The following CGNL1 variants were observed in gnomAD, a reference collection of about 807,000 sequenced individuals.
The protein encoded by CGNL1 is cingulin like 1, also known as cingulin-like protein 1.
In CGNL1, 132 loss-of-function variants were observed where a neutral mutation model predicts 141.2. That is an observed-to-expected ratio of 0.93 (90% confidence interval 0.81 to 1.08). The LOEUF (loss-of-function observed/expected upper bound fraction) is 1.08, where lower values mean the gene tolerates loss of function less well. Among genes scored for constraint, CGNL1 ranks in the 50% least tolerant of loss-of-function variants. The pLI, the probability that CGNL1 is intolerant of heterozygous loss-of-function variation, is 0.00. For missense variants in CGNL1, 1,870 were observed against 1,588.6 expected (o/e 1.18, Z -3.01); for synonymous variants, 690 against 622.1 (o/e 1.11, Z -1.63).
At chr15:57,389,080 C>T (rs2062515115) in intron 1 of CGNL1, among the ~76,000 whole-genome samples, 1 of 151,910 alleles carries the variant, frequency 6.6e-6, no homozygotes, top group Non-Finnish European at 1.5e-5. Context: ...GTCAACTACC[C>T]TTTAAAATAA....
intron 8 of CGNL1, among the ~76,000 whole-genome samples, chr15:57,504,354 T>G (rs1406895786): frequency 3.9e-5 from 6 of 152,190 alleles, no homozygotes; most frequent in Non-Finnish European, 7.4e-5. Context: ...GGATTTAAAC[T>G]CAAGTCTATC....
chr15:57,479,567 G>A (rs574325594), intron 8 of CGNL1, among the ~76,000 whole-genome samples: 49 of 152,340 alleles, frequency 3.2e-4, no homozygotes, highest in African/African-American at 1.2e-3. Context: ...GGGAGGCTGA[G>A]GCAGGAGAAT....
At chr15:57,516,131 C>T (rs1174325256) in intron 8 of CGNL1, among the ~76,000 whole-genome samples, 5 of 140,632 alleles carry the variant, frequency 3.6e-5, no homozygotes, top group African/African-American at 1.3e-4. Context: ...TGCACTCCAG[C>T]CTGGGGGACA....
intron 1 of CGNL1, among the ~76,000 whole-genome samples, chr15:57,411,548 A>G (rs1270820763): frequency 6.6e-6 from 1 of 151,634 alleles, no homozygotes; most frequent in Non-Finnish European, 1.5e-5. Context: ...GGTTCAAGCA[A>G]TTCTCATGCT....
At chr15:57,521,639 G>T (rs2031261126) in intron 10 of CGNL1, among the ~76,000 whole-genome samples, 2 of 152,204 alleles carry the variant, frequency 1.3e-5, no homozygotes, top group South Asian at 4.1e-4. Context: ...GTGTGCTGGG[G>T]TGGCAGGTGT....
Position 57,549,720 on chromosome 15 carries a change from A to G in CGNL1, c.*2230A>G, listed in dbSNP as rs564107251. The G allele has an allele frequency of 6.6e-6, 1 of 152,374 alleles. No individual in the cohort carries two copies. Among genetic ancestry groups the G allele is most frequent in the Non-Finnish European group, 1.5e-5 (1 of 68,078 alleles). The allele number at this position is 152,374 out of a possible 1,614,324, so 9.4% of individuals were successfully genotyped here. On this transcript the variant is annotated 3_prime_UTR_variant, in exon 19 of 19. Coordinates refer to ENST00000281282, the MANE Select transcript of CGNL1 (RefSeq NM_032866.5). Reference sequence around the variant, plus strand: ...CCCTCCTGGAGCTCAGTGTCAGGAAAGGGGGTGATAAATGACAATCAAATC... The same window carrying G: ...CCCTCCTGGAGCTCAGTGTCAGGAAGGGGGGTGATAAATGACAATCAAATC...
chr15:57,494,047 T>C (rs2063902794), intron 8 of CGNL1, among the ~76,000 whole-genome samples: 2 of 152,176 alleles, frequency 1.3e-5, no homozygotes, highest in African/African-American at 4.8e-5. Context: ...CAATAAGTGC[T>C]AAGAGAGAGA....
intron 8 of CGNL1, among the ~76,000 whole-genome samples, chr15:57,512,075 C>G (rs1275160772): frequency 2.0e-5 from 3 of 152,170 alleles, no homozygotes; most frequent in Non-Finnish European, 4.4e-5. Flanking sequence ...TTTACCAGCT[C>G]TGTCTTGGTG....
intron 6 of CGNL1, 134 bp from the exon 7 acceptor site, chr15:57,453,549 A>G: frequency 9.2e-7 from 1 of 1,086,138 alleles, no homozygotes; most frequent in South Asian, 1.7e-5. Context: ...TCCCTTGCTC[A>G]GTGCAGAACA....
At chr15:57,493,373 C>G (rs1193665117) in intron 8 of CGNL1, among the ~76,000 whole-genome samples, 1 of 152,122 alleles carries the variant, frequency 6.6e-6, no homozygotes, top group Non-Finnish European at 1.5e-5. Flanking sequence ...TGATGGATGA[C>G]AGGACTCTTG....
chr15:57,399,552 T>G (rs547038645), intron 1 of CGNL1, among the ~76,000 whole-genome samples: 1 of 151,990 alleles, frequency 6.6e-6, no homozygotes, highest in African/African-American at 2.4e-5. Flanking sequence ...GTTGTTTTTT[T>G]TTTTTTTCCT....
At chr15:57,540,363 G>A (rs12591696) in intron 14 of CGNL1, among the ~76,000 whole-genome samples, 30,503 of 152,026 alleles carry the variant, frequency 0.2, 3,526 homozygotes, top group East Asian at 0.49. Context: ...CTTACATGGC[G>A]GCAGGCAAAA....
At chr15:57,437,663 G>T in intron 1 of CGNL1, among the ~76,000 whole-genome samples, 1 of 87,014 alleles carries the variant, frequency 1.1e-5, no homozygotes. Flanking sequence ...AACCAGAACA[G>T]CCCAAAACAG....
At position 57,547,480 on chromosome 15, in the gene CGNL1, G is replaced by A; in HGVS notation, c.3899G>A (p.Ser1300Asn). 6.2e-7 allele frequency: 1 copy of A among 1,613,942 alleles called. No individual in the cohort carries two copies. The highest frequency in any genetic ancestry group is 1.7e-5 in the Admixed American group (1 of 60,000). ...YTFSKDSTVASQI is the reference protein window; with the variant it reads ...YTFSKDSTVANQI ...TTCTCCAAGGACAGCACCGTCGCCA[G>A]CCAGATCTGAGTGCTCTCCCGGGCT... Residue 1300 changes from serine (S) to asparagine (N), a missense_variant, in exon 19 of 19, where the codon AGC becomes AAC. By Grantham distance (46) the Ser-to-Asn change is conservative (BLOSUM62 1). Coordinates refer to ENST00000281282, the MANE Select transcript of CGNL1 (RefSeq NM_032866.5).
rs2031496899 is a variant in CGNL1 at position 57,524,662 on chromosome 15, A to G, written c.2950A>G (p.Arg984Gly). 1 of 1,614,106 alleles carries G rather than the reference A, an allele frequency of 6.2e-7. No homozygotes were observed. Among genetic ancestry groups the G allele is most frequent in the African/African-American group, 1.3e-5 (1 of 74,942 alleles). ...QLDEYKEKNR[R>G]ELAEMQRQLK... ...GGATGAGTATAAGGAGAAAAACCGC[A>G]GGGAGCTCGCAGAAATGCAAAGACA... The change falls in exon 12 of 19, where the codon AGG (arginine) becomes GGG (glycine). Residue 984 changes from arginine to glycine, a missense_variant. By Grantham distance (125) the Arg-to-Gly change is moderately radical. Coordinates refer to ENST00000281282, the MANE Select transcript of CGNL1 (RefSeq NM_032866.5).
chr15:57,383,863 T>C (rs1253772459), intron 1 of CGNL1, among the ~76,000 whole-genome samples: 4 of 151,836 alleles, frequency 2.6e-5, no homozygotes, highest in Non-Finnish European at 5.9e-5. Context: ...GGTCTCTAAT[T>C]CCTGAGCTCA....
intron 1 of CGNL1, among the ~76,000 whole-genome samples, chr15:57,436,790 A>T (rs1374848518): frequency 1.3e-5 from 2 of 152,134 alleles, no homozygotes; most frequent in African/African-American, 2.4e-5. Context: ...GAAACAATTT[A>T]AAAAAATACA....
chr15:57,516,003 A>G (rs1297916805), intron 8 of CGNL1, among the ~76,000 whole-genome samples: 1 of 151,738 alleles, frequency 6.6e-6, no homozygotes, highest in Non-Finnish European at 1.5e-5. Context: ...CTAAAAATAT[A>G]AAAAAATTAG....
chr15:57,423,312 CT>C (rs1232206626), intron 1 of CGNL1, among the ~76,000 whole-genome samples: 1 of 152,144 alleles, frequency 6.6e-6, no homozygotes, highest in Non-Finnish European at 1.5e-5. Flanking sequence ...CAGGTTATAT[CT>C]TTTTATTTGT....
Sources: allele counts gnomAD v4.1 joint callset (sites outside exome capture counted in the v4.1 genomes callset), GRCh38; gene constraint gnomAD v4.1.1; transcripts MANE v1.5; gene names NCBI Gene and HGNC (gene_info 2026-07-23, HGNC 2026-07-21).